Variants in EPB41L3 observed in about 807,000 individuals in gnomAD.
The protein encoded by EPB41L3 is erythrocyte membrane protein band 4.1 like 3, also known as band 4.1-like protein 3.
A neutral mutation model predicts 127.1 loss-of-function variants in EPB41L3; 57 were observed. That is an observed-to-expected ratio of 0.45 (90% CI 0.36 to 0.56). EPB41L3 has a LOEUF of 0.56. Among genes scored for constraint, EPB41L3 ranks in the 20% least tolerant of loss-of-function variants. EPB41L3 has a pLI of 0.00. For synonymous variants in EPB41L3, 572 were observed against 549.5 expected (o/e 1.04, Z -0.57); for missense variants, 1,273 against 1,372.2 (o/e 0.93, Z 1.14).
chr18:5,459,796 G>C (rs2083674517), intron 3 of EPB41L3, among the ~76,000 whole-genome samples: 2 of 152,176 alleles, frequency 1.3e-5, no homozygotes, highest in South Asian at 4.1e-4. Flanking sequence ...CAATCAAAAT[G>C]TATCCTTTTT....
chr18:5,458,205 T>C (rs1356553751), intron 3 of EPB41L3, among the ~76,000 whole-genome samples: 2 of 152,170 alleles, frequency 1.3e-5, no homozygotes, highest in South Asian at 4.2e-4. Context: ...AGTGTTGAAT[T>C]TTTACCCCCA....
intron 1 of EPB41L3, among the ~76,000 whole-genome samples, chr18:5,618,174 G>T (rs17384555): frequency 0.23 from 35,722 of 152,056 alleles, 4,334 homozygotes; most frequent in African/African-American, 0.26. Context: ...AAATGGGGAA[G>T]GCCTATATTC....
intron 1 of EPB41L3, among the ~76,000 whole-genome samples, chr18:5,507,276 G>A (rs912944638): frequency 1.3e-5 from 2 of 151,900 alleles, no homozygotes; most frequent in African/African-American, 2.4e-5. Flanking sequence ...TTTAAAACAC[G>A]GATGTTATAT....
At chr18:5,544,457 T>C (rs758147491), upstream of EPB41L3, 77 of 374,964 alleles carry the variant, frequency 2.1e-4, no homozygotes, top group Non-Finnish European at 2.5e-4. Flanking sequence ...GGTGGTGTCT[T>C]CAAGTCATGT....
intron 3 of EPB41L3, among the ~76,000 whole-genome samples, chr18:5,459,670 AAATTC>A (rs2083650171): frequency 6.6e-6 from 1 of 152,230 alleles, no homozygotes; most frequent in Non-Finnish European, 1.5e-5. Flanking sequence ...TTACGGAAAT[AAATTC>A]AGAAATTATA....
At chr18:5,569,207 C>G (rs2094245853) in intron 3 of EPB41L3, among the ~76,000 whole-genome samples, 1 of 152,180 alleles carries the variant, frequency 6.6e-6, no homozygotes, top group African/African-American at 2.4e-5. Context: ...GTAAATAGAA[C>G]ATTTTTAGTT....
At chr18:5,468,872 T>A (rs2085504651) in intron 3 of EPB41L3, among the ~76,000 whole-genome samples, 1 of 152,150 alleles carries the variant, frequency 6.6e-6, no homozygotes, top group South Asian at 2.1e-4. Flanking sequence ...GCTGAGATCA[T>A]GCCATTGCAC....
chr18:5,533,709 C>T (rs1035961162), intron 1 of EPB41L3, among the ~76,000 whole-genome samples: 2 of 152,192 alleles, frequency 1.3e-5, no homozygotes, highest in Non-Finnish European at 2.9e-5. Context: ...TTAAGAGCTA[C>T]GTACTTTCAC....
rs1160335773 is a variant in EPB41L3 at position 5,498,606 on chromosome 18, A to AAAAAAAG, written c.-11-9413_-11-9412insCTTTTTT. Among the ~76,000 whole-genome samples, 13 of 150,100 alleles carry AAAAAAAG rather than the reference A, an allele frequency of 8.7e-5. 1 individual carries two copies. Among genetic ancestry groups the AAAAAAAG allele is most frequent in the African/African-American group, 2.9e-4 (12 of 40,926 alleles). On this transcript the variant is annotated intron_variant, in intron 1 of 22. Transcript: ENST00000341928. ...CGAGACTCCATCTCAAAAAAAAAAA[A>AAAAAAAG]AAAAAGAAAATGGACTTCAGAACTG...
intron 3 of EPB41L3, among the ~76,000 whole-genome samples, chr18:5,468,387 C>G (rs1257883552): frequency 6.6e-6 from 1 of 152,172 alleles, no homozygotes; most frequent in Non-Finnish European, 1.5e-5. Context: ...TCCGCGGCCC[C>G]CTGAGTGATA....
intron 9 of EPB41L3, among the ~76,000 whole-genome samples, chr18:5,424,754 A>C (rs73379523): frequency 0.018 from 2,748 of 152,304 alleles, 95 homozygotes; most frequent in African/African-American, 0.063. Flanking sequence ...AATGAACAAA[A>C]TGTTTACAAA....
intron 1 of EPB41L3, among the ~76,000 whole-genome samples, chr18:5,542,339 A>G (rs553975559): frequency 6.6e-6 from 1 of 151,402 alleles, no homozygotes; most frequent in East Asian, 1.9e-4. Context: ...TTAAAAATCA[A>G]GGTAAATTTC....
chr18:5,504,473 C>A (rs2091991621), intron 1 of EPB41L3, among the ~76,000 whole-genome samples: 1 of 152,118 alleles, frequency 6.6e-6, no homozygotes, highest in African/African-American at 2.4e-5. Flanking sequence ...AGGAGTGGGA[C>A]CGGCAGTGAG....
chr18:5,598,542 C>G (rs193089090), intron 3 of EPB41L3, among the ~76,000 whole-genome samples: 2 of 151,904 alleles, frequency 1.3e-5, no homozygotes, highest in African/African-American at 4.8e-5. Context: ...TATAATCTAC[C>G]TAAGCAAAAG....
At chr18:5,461,094 G>A (rs1441847778) in intron 3 of EPB41L3, among the ~76,000 whole-genome samples, 2 of 152,144 alleles carry the variant, frequency 1.3e-5, no homozygotes, top group Admixed American at 6.5e-5. Context: ...TGTAAGTCGT[G>A]ACGTCTGGGC....
At chr18:5,576,581 T>C (rs2149271064) in intron 3 of EPB41L3, among the ~76,000 whole-genome samples, 1 of 152,316 alleles carries the variant, frequency 6.6e-6, no homozygotes, top group East Asian at 1.9e-4. Flanking sequence ...TACCACTTAT[T>C]GTTGAAATAT....
At chr18:5,491,340 A>G (rs2090573272) in intron 1 of EPB41L3, among the ~76,000 whole-genome samples, 1 of 152,080 alleles carries the variant, frequency 6.6e-6, no homozygotes. Context: ...GAAATCAACA[A>G]CTTTAGCTTG....
At chr18:5,465,244 C>T (rs2084750090) in intron 3 of EPB41L3, among the ~76,000 whole-genome samples, 1 of 152,180 alleles carries the variant, frequency 6.6e-6, no homozygotes, top group Non-Finnish European at 1.5e-5. Context: ...ATTGTTGCTT[C>T]CTATTCTTAT....
intron 1 of EPB41L3, among the ~76,000 whole-genome samples, chr18:5,627,509 T>C (rs1031219272): frequency 6.6e-6 from 1 of 152,206 alleles, no homozygotes; most frequent in African/African-American, 2.4e-5. Context: ...ATTTCACCAA[T>C]CCCAAAGAGT....
Sources: gnomAD v4.1 joint callset for allele counts (sites outside exome capture counted in the v4.1 genomes callset) on GRCh38, gnomAD v4.1.1 for gene constraint, MANE v1.5 for transcripts, NCBI Gene and HGNC (gene_info 2026-07-23, HGNC 2026-07-21) for gene names.